ZNF804B: variants seen among roughly 807,000 people sequenced by gnomAD.
ZNF804B encodes zinc finger 804B.
In ZNF804B, 80 loss-of-function variants were observed where a neutral mutation model predicts 101.4. That is an observed-to-expected ratio of 0.79 (90% CI 0.66 to 0.95). ZNF804B has a LOEUF of 0.95. Among genes scored for constraint, ZNF804B ranks in the 40% least tolerant of loss-of-function variants. ZNF804B has a pLI of 0.00. For missense variants in ZNF804B, 1,673 were observed against 1,561.9 expected (o/e 1.07, Z -1.20); for synonymous variants, 622 against 558.8 (o/e 1.11, Z -1.59).
At chr7:89,190,810 C>CA (rs1178878990) in intron 1 of ZNF804B, among the ~76,000 whole-genome samples, 1 of 152,098 alleles carries the variant, frequency 6.6e-6, no homozygotes, top group Non-Finnish European at 1.5e-5. Flanking sequence ...CCTCCCTCAG[C>CA]AAAAAGATTT....
chr7:89,171,285 G>T (rs6977311), intron 1 of ZNF804B, among the ~76,000 whole-genome samples: 4,570 of 63,600 alleles, frequency 0.072, 154 homozygotes, highest in Non-Finnish European at 0.1. Flanking sequence ...TAATGCTGCT[G>T]CTGCTTCTTC....
chr7:89,223,974 T>C (rs1789042781), intron 2 of ZNF804B, among the ~76,000 whole-genome samples: 1 of 151,958 alleles, frequency 6.6e-6, no homozygotes, highest in African/African-American at 2.4e-5. Flanking sequence ...TTAATATAGG[T>C]AACATGTCAA....
chr7:89,114,379 T>C (rs1044482575), intron 1 of ZNF804B, among the ~76,000 whole-genome samples: 4 of 152,212 alleles, frequency 2.6e-5, no homozygotes, highest in Non-Finnish European at 2.9e-5. Context: ...AATTGAGCCA[T>C]GGTTCAATGA....
At chr7:89,034,341 G>A (rs950107202) in intron 1 of ZNF804B, among the ~76,000 whole-genome samples, 58 of 152,060 alleles carry the variant, frequency 3.8e-4, no homozygotes, top group African/African-American at 1.4e-3. Flanking sequence ...GTATACATGT[G>A]CCGTGGTTGT....
chr7:88,879,370 G>A (rs913837037), intron 1 of ZNF804B, among the ~76,000 whole-genome samples: 1 of 152,178 alleles, frequency 6.6e-6, no homozygotes, highest in Non-Finnish European at 1.5e-5. Context: ...AAGGCATATA[G>A]TACATAAACA....
chr7:89,208,602 TA>T (rs10707838), intron 1 of ZNF804B, among the ~76,000 whole-genome samples: 89,561 of 152,074 alleles, frequency 0.59, 26,881 homozygotes, highest in African/African-American at 0.63. Context: ...ATTTCCTTTC[TA>T]ACTTGTTTTT....
intron 2 of ZNF804B, among the ~76,000 whole-genome samples, chr7:89,279,302 G>A (rs1157313056): frequency 1.3e-5 from 2 of 151,856 alleles, no homozygotes; most frequent in Non-Finnish European, 2.9e-5. Context: ...TGCAAACAGG[G>A]ACAATTTGAC....
At chr7:88,987,900 C>T (rs1361492437) in intron 1 of ZNF804B, among the ~76,000 whole-genome samples, 1 of 151,800 alleles carries the variant, frequency 6.6e-6, no homozygotes, top group Non-Finnish European at 1.5e-5. Flanking sequence ...CCTTCTTAAT[C>T]CCCTCCTCCT....
intron 2 of ZNF804B, among the ~76,000 whole-genome samples, chr7:89,255,257 C>T (rs1264873041): frequency 2.6e-5 from 4 of 152,148 alleles, no homozygotes; most frequent in East Asian, 1.9e-4. Flanking sequence ...GAGAACAGCA[C>T]GGGAGAAACT....
chr7:88,993,730 C>G (rs952608565), intron 1 of ZNF804B, among the ~76,000 whole-genome samples: 1 of 152,000 alleles, frequency 6.6e-6, no homozygotes, highest in African/African-American at 2.4e-5. Flanking sequence ...ACTACAGGAT[C>G]TCACTAGAGG....
At position 88,901,029 on chromosome 7, in the gene ZNF804B, G is replaced by A. The variant is rs573456441; in HGVS notation, c.108+140945G>A. ...GCATTTATATACTCTATTTTAATTT[G>A]CTTTTTCAAGTTATTAGTGGCTTTT... On this transcript the variant is annotated intron_variant, in intron 1 of 3. Coordinates refer to ENST00000333190, the MANE Select transcript of ZNF804B (RefSeq NM_181646.5). Among the ~76,000 whole-genome samples, 21 of 151,602 alleles carry A rather than the reference G, an allele frequency of 1.4e-4. No individual in the cohort carries two copies. In the South Asian group the frequency reaches 4.0e-3, roughly 29 times the overall value.
chr7:88,768,865 C>G (rs960532955), intron 1 of ZNF804B, among the ~76,000 whole-genome samples: 1 of 152,136 alleles, frequency 6.6e-6, no homozygotes, highest in Admixed American at 6.6e-5. Flanking sequence ...AAATGAAGGC[C>G]CTGGAGTTAA....
chr7:88,779,549 G>A (rs1790193122), intron 1 of ZNF804B, among the ~76,000 whole-genome samples: 1 of 152,146 alleles, frequency 6.6e-6, no homozygotes, highest in Non-Finnish European at 1.5e-5. Flanking sequence ...CGGTGCTAAA[G>A]TCAGCCTTTC....
At chr7:88,926,281 G>T (rs2116008290) in intron 1 of ZNF804B, among the ~76,000 whole-genome samples, 2 of 152,064 alleles carry the variant, frequency 1.3e-5, no homozygotes, top group South Asian at 2.1e-4. Context: ...ATTCTGTTCT[G>T]TTCTTTTATT....
chr7:88,915,376 C>T (rs1169136932), intron 1 of ZNF804B, among the ~76,000 whole-genome samples: 1 of 151,964 alleles, frequency 6.6e-6, no homozygotes, highest in East Asian at 1.9e-4. Context: ...GGGGTTAACT[C>T]ATAAAATGCT....
chr7:89,139,072 G>C (rs1187398141), intron 1 of ZNF804B, among the ~76,000 whole-genome samples: 1 of 152,010 alleles, frequency 6.6e-6, no homozygotes, highest in Non-Finnish European at 1.5e-5. Context: ...TTTTGCTCCA[G>C]ACCACTACAA....
At position 89,298,212 on chromosome 7, in the gene ZNF804B, GTGTGTATATATATATATATATATATATA is replaced by G. The variant is rs1160189978; in HGVS notation, c.250-29130_250-29103del. ...ATATATATCTATATAGTGTGTGTGT[GTGTGTATATATATATATATATATATATA>G]TATATATATATATATATACTTTAAG... On this transcript the variant is annotated intron_variant, in intron 2 of 3. Coordinates refer to ENST00000333190, the MANE Select transcript of ZNF804B (RefSeq NM_181646.5). Among the ~76,000 whole-genome samples, 13 of 65,274 alleles carry G rather than the reference GTGTGTATATATATATATATATATATATA, an allele frequency of 2.0e-4. No homozygotes were observed. In the South Asian group the frequency reaches 3.7e-3, roughly 19 times the overall value. 42.8% of individuals were successfully genotyped at this position (65,274 alleles called of 152,430 possible). A position where few individuals can be genotyped will look rare whatever the true frequency, so the allele number is the denominator to read the frequency against.
At chr7:89,105,347 C>T (rs1790118559) in intron 1 of ZNF804B, among the ~76,000 whole-genome samples, 1 of 152,070 alleles carries the variant, frequency 6.6e-6, no homozygotes, top group Admixed American at 6.6e-5. Context: ...AATGAACGGA[C>T]TCCTTGGGAG....
intron 1 of ZNF804B, among the ~76,000 whole-genome samples, chr7:89,136,400 A>G (rs1790634889): frequency 6.6e-6 from 1 of 152,112 alleles, no homozygotes; most frequent in Non-Finnish European, 1.5e-5. Context: ...TAATTGTTGA[A>G]TGTACAATTC....
Sources: allele counts gnomAD v4.1 joint callset (sites outside exome capture counted in the v4.1 genomes callset), GRCh38; gene constraint gnomAD v4.1.1; transcripts MANE v1.5; gene names NCBI Gene and HGNC (gene_info 2026-07-23, HGNC 2026-07-21).